PHACTR3: variants seen among roughly 807,000 people sequenced by gnomAD.
PHACTR3 encodes the protein protein phosphatase 1, regulatory subunit 123.
Under a neutral mutation model 66.8 loss-of-function variants are expected in PHACTR3, and 16 were observed. That is an observed-to-expected ratio of 0.24 (90% CI 0.16 to 0.36). PHACTR3 has a LOEUF of 0.36. Ranked by LOEUF, PHACTR3 falls within the 10% of genes least tolerant of loss-of-function variation. The pLI, the probability that PHACTR3 is intolerant of heterozygous loss-of-function variation, is 1.00. For synonymous variants in PHACTR3, 323 were observed against 292.1 expected, an observed-to-expected ratio of 1.11 and a Z score of -1.08; for missense variants, 647 against 719.9, an observed-to-expected ratio of 0.90 and a Z score of 1.16.
intron 7 of PHACTR3, among the ~76,000 whole-genome samples, chr20:59,783,306 G>A (rs2043884438): frequency 6.6e-6 from 1 of 152,174 alleles, no homozygotes; most frequent in African/African-American, 2.4e-5. Flanking sequence ...CGACCTGGTG[G>A]GCGTCTTGCA....
intron 1 of PHACTR3, among the ~76,000 whole-genome samples, chr20:59,586,029 C>G (rs747110148): frequency 6.6e-6 from 1 of 152,146 alleles, no homozygotes; most frequent in Non-Finnish European, 1.5e-5. Flanking sequence ...GATGGGAATG[C>G]GCAGGCCTGC....
intron 1 of PHACTR3, among the ~76,000 whole-genome samples, chr20:59,675,982 C>T (rs2036436954): frequency 6.6e-6 from 1 of 152,194 alleles, no homozygotes; most frequent in Non-Finnish European, 1.5e-5. Context: ...ACCAAGGGTC[C>T]CTGGCTTCAG....
chr20:59,841,330 T>A, intron 10 of PHACTR3, 65 bp from the exon 11 acceptor site: 1 of 1,508,396 alleles, frequency 6.6e-7, no homozygotes. Context: ...GTGCTGTTTG[T>A]TCAGAGTACT....
intron 1 of PHACTR3, among the ~76,000 whole-genome samples, chr20:59,641,981 A>C (rs1176048254): frequency 6.6e-6 from 1 of 152,202 alleles, no homozygotes; most frequent in Admixed American, 6.5e-5. Context: ...TCACTTAGGA[A>C]TCCTGAGTGG....
intron 6 of PHACTR3, among the ~76,000 whole-genome samples, chr20:59,773,902 T>A (rs1050688168): frequency 1.3e-5 from 2 of 152,212 alleles, no homozygotes; most frequent in East Asian, 3.8e-4. Flanking sequence ...AGATTAGAGG[T>A]AAAATAGGTA....
At chr20:59,714,571 A>G (rs1358497960) in intron 1 of PHACTR3, among the ~76,000 whole-genome samples, 1 of 152,220 alleles carries the variant, frequency 6.6e-6, no homozygotes, top group Non-Finnish European at 1.5e-5. Context: ...GCACATCATC[A>G]TAATTGTTGG....
intron 8 of PHACTR3, among the ~76,000 whole-genome samples, chr20:59,821,620 G>A (rs553388157): frequency 6.6e-5 from 10 of 152,302 alleles, no homozygotes; most frequent in African/African-American, 1.9e-4. Context: ...TAGGAAACTC[G>A]CGGCTTCTGC....
rs970243023 is a variant in PHACTR3, at chr20:59,820,545, C to T, written c.1328+14351C>T. 3.9e-5 allele frequency among the ~76,000 whole-genome samples: 6 copies of T among 152,232 alleles called. No homozygotes were observed. Among genetic ancestry groups the T allele is most frequent in the African/African-American group, 7.2e-5 (3 of 41,524 alleles). On this transcript the variant is annotated intron_variant, in intron 8 of 12. Coordinates refer to ENST00000371015, the MANE Select transcript of PHACTR3 (RefSeq NM_080672.5). This position sits in a 1 kb window ranked among gnomAD's most constrained non-coding sequence, Gnocchi z 4.6. The stretch of plus-strand genomic sequence containing the variant: ...CTTCATCGTCTTGGGTGGAAGTCCC[C>T]GTGTACAGGGAGGGAAAGCCCATCT...
chr20:59,629,296 G>A lies in PHACTR3; in HGVS notation c.118+24164G>A, dbSNP rs532238912. Among the ~76,000 whole-genome samples the A allele has an allele frequency of 2.0e-5, 3 of 152,322 alleles. No individual in the cohort carries two copies. In the South Asian group the frequency reaches 6.2e-4, roughly 32 times the overall value. ...CCTCTGCTTCTCTGGTGCCTGTGGA[G>A]GCTCAAGCCTTTACCCCACCTCCCT... On this transcript the variant is annotated intron_variant, in intron 1 of 12. Coordinates refer to ENST00000371015, the MANE Select transcript of PHACTR3 (RefSeq NM_080672.5).
chr20:59,690,147 C>T (rs956374703), intron 1 of PHACTR3, among the ~76,000 whole-genome samples: 6 of 152,216 alleles, frequency 3.9e-5, no homozygotes, highest in African/African-American at 1.4e-4. Flanking sequence ...CCCCCTCCTG[C>T]ACCTCTGGCC....
chr20:59,737,752 C>T (rs2039004018), intron 1 of PHACTR3, among the ~76,000 whole-genome samples: 1 of 151,998 alleles, frequency 6.6e-6, no homozygotes, highest in South Asian at 2.1e-4. Context: ...GGCATCGTCT[C>T]TTTTGTTCAC....
chr20:59,654,817 G>A (rs1477058131), intron 1 of PHACTR3, among the ~76,000 whole-genome samples: 2 of 152,038 alleles, frequency 1.3e-5, no homozygotes, highest in Non-Finnish European at 2.9e-5. Context: ...CATAAGTGCA[G>A]TCATACAGTT....
chr20:59,808,930 T>C (rs2041652609), intron 8 of PHACTR3, among the ~76,000 whole-genome samples: 1 of 152,030 alleles, frequency 6.6e-6, no homozygotes, highest in South Asian at 2.1e-4. Context: ...CACTAGATAC[T>C]AGTAGTACAC....
At chr20:59,797,456 C>T (rs1359906194) in intron 7 of PHACTR3, among the ~76,000 whole-genome samples, 3 of 152,044 alleles carry the variant, frequency 2.0e-5, no homozygotes, top group Non-Finnish European at 2.9e-5. Flanking sequence ...GTACAATCAC[C>T]TCTTCTAATT....
chr20:59,822,569 G>A (rs557826742), intron 8 of PHACTR3, among the ~76,000 whole-genome samples: 1 of 152,052 alleles, frequency 6.6e-6, no homozygotes, highest in South Asian at 2.1e-4. Context: ...GGTGGGCGCT[G>A]GTGCACCTCA....
At chr20:59,845,484 G>A (rs1352718605) in intron 12 of PHACTR3, among the ~76,000 whole-genome samples, 1 of 152,076 alleles carries the variant, frequency 6.6e-6, no homozygotes, top group African/African-American at 2.4e-5. Context: ...AACAATATCG[G>A]TTTATTTAAG....
intron 7 of PHACTR3, among the ~76,000 whole-genome samples, chr20:59,802,108 T>A (rs985558706): frequency 6.6e-6 from 1 of 152,150 alleles, no homozygotes; most frequent in Admixed American, 6.5e-5. Context: ...AGGTCCTACT[T>A]AGTTTTGGAC....
intron 8 of PHACTR3, among the ~76,000 whole-genome samples, chr20:59,812,255 C>T (rs2041757423): frequency 6.6e-6 from 1 of 152,232 alleles, no homozygotes; most frequent in African/African-American, 2.4e-5. Context: ...GTTCTTTGCT[C>T]CCAGGAACGT....
intron 3 of PHACTR3, among the ~76,000 whole-genome samples, chr20:59,754,456 A>C (rs1182828731): frequency 2.0e-5 from 3 of 152,166 alleles, no homozygotes; most frequent in African/African-American, 7.2e-5. Context: ...GCTTCCTCAG[A>C]GTGTGAGACC....
Sources: gnomAD v4.1 joint callset for allele counts (sites outside exome capture counted in the v4.1 genomes callset) on GRCh38, gnomAD v4.1.1 for gene constraint, Gnocchi (gnomAD v3.1) non-coding constraint, MANE v1.5 for transcripts, NCBI Gene and HGNC (gene_info 2026-07-23, HGNC 2026-07-21) for gene names.